PRKD1: variants seen among roughly 807,000 people sequenced by gnomAD.
The protein encoded by PRKD1 is protein kinase D1.
A neutral mutation model predicts 95.9 loss-of-function variants in PRKD1; 63 were observed. The ratio of observed to expected loss-of-function variants is 0.66; its 90% CI spans 0.54 to 0.81. The LOEUF (loss-of-function observed/expected upper bound fraction) is 0.81, where lower values mean the gene tolerates loss of function less well. PRKD1 is among the 30% of genes least tolerant of loss of function. The pLI, the probability that PRKD1 is intolerant of heterozygous loss-of-function variation, is 0.00. For synonymous variants in PRKD1, 425 were observed against 423.1 expected, an observed-to-expected ratio of 1.00 and a Z score of -0.05; for missense variants, 1,048 against 1,165.3, an observed-to-expected ratio of 0.90 and a Z score of 1.47.
chr14:29,838,290 A>G (rs1243078396), intron 1 of PRKD1, among the ~76,000 whole-genome samples: 1 of 152,208 alleles, frequency 6.6e-6, no homozygotes. Flanking sequence ...AAAAAAATAC[A>G]AAATAGAAAA....
At chr14:29,741,642 C>T (rs1886983417) in intron 1 of PRKD1, among the ~76,000 whole-genome samples, 1 of 152,040 alleles carries the variant, frequency 6.6e-6, no homozygotes, top group Admixed American at 6.6e-5. Flanking sequence ...ATCATGCACA[C>T]TCAGTGGTCT....
intron 1 of PRKD1, among the ~76,000 whole-genome samples, chr14:29,826,787 A>ATG: frequency 1.9e-5 from 1 of 52,870 alleles, no homozygotes; most frequent in Non-Finnish European, 3.7e-5. Flanking sequence ...ATATACATAT[A>ATG]TACACATATA....
chr14:29,657,987 A>G (rs1881984008), intron 4 of PRKD1: 1 of 152,176 alleles, frequency 6.6e-6, no homozygotes, highest in Non-Finnish European at 1.5e-5. Flanking sequence ...AGAACCAAAC[A>G]TGAGTTTCAG....
chr14:29,669,007 T>G (rs45618232), intron 2 of PRKD1, among the ~76,000 whole-genome samples: 3 of 151,296 alleles, frequency 2.0e-5, no homozygotes, highest in Non-Finnish European at 4.4e-5. Flanking sequence ...ACTTGTATTT[T>G]TTTGACTATT....
At chr14:29,737,092 G>A (rs889206714) in intron 1 of PRKD1, among the ~76,000 whole-genome samples, 2 of 151,802 alleles carry the variant, frequency 1.3e-5, no homozygotes, top group South Asian at 4.2e-4. Flanking sequence ...GGAGGCCGAG[G>A]CGGGTGGATC....
chr14:29,582,499 G>A (rs1421425297), intron 16 of PRKD1, among the ~76,000 whole-genome samples: 1 of 152,142 alleles, frequency 6.6e-6, no homozygotes, highest in South Asian at 2.1e-4. Context: ...AAGCACATCT[G>A]TTAGTTTCTT....
chr14:29,619,789 A>G (rs909841877), intron 13 of PRKD1, among the ~76,000 whole-genome samples: 29 of 152,258 alleles, frequency 1.9e-4, no homozygotes, highest in African/African-American at 6.5e-4. Flanking sequence ...CTGAATTACT[A>G]TTTTTACTGA....
chr14:29,599,691 A>T lies in PRKD1; in HGVS notation c.2032T>A (p.Leu678Met). 1 of 1,613,328 alleles carries T rather than the reference A, an allele frequency of 6.2e-7. No individual in the cohort carries two copies. Among genetic ancestry groups the T allele is most frequent in the Non-Finnish European group, 8.5e-7 (1 of 1,179,742 alleles). ...EMILSSEKGR[L>M]PEHITKFLIT... ...AAAAACTTCGTTATGTGCTCTGGCA[A>T]CCTGCCCTTTTCACTTGACAAGATC... The change falls in exon 14 of 18, where the codon TTG becomes ATG. Residue 678 changes from leucine (L) to methionine (M), a missense_variant. By Grantham distance (15) the Leu-to-Met change is conservative (BLOSUM62 2). Transcript: ENST00000331968.
rs80342691 is a variant in PRKD1, at chr14:29,787,450, C to T, written c.265-61776G>A. Among the ~76,000 whole-genome samples the T allele has an allele frequency of 5.8e-3, 889 of 152,038 alleles. 22 individuals are homozygous for T. The highest frequency in any genetic ancestry group is 0.037 in the East Asian group (192 of 5,172). On this transcript the variant is annotated intron_variant, in intron 1 of 17. Transcript: ENST00000331968. Reference sequence around the variant, plus strand: ...GAGATGCTGAAGTCCCTAGCTAGTACTGTATTGGAGTCTATCTGTTTAGCT... The same window carrying T: ...GAGATGCTGAAGTCCCTAGCTAGTATTGTATTGGAGTCTATCTGTTTAGCT...
At chr14:29,585,716 T>G (rs1188917250) in intron 16 of PRKD1, among the ~76,000 whole-genome samples, 1 of 152,204 alleles carries the variant, frequency 6.6e-6, no homozygotes, top group Non-Finnish European at 1.5e-5. Flanking sequence ...ATCAGTGACT[T>G]CTTTTAGAAA....
At chr14:29,653,990 C>G (rs1881680158) in intron 4 of PRKD1, among the ~76,000 whole-genome samples, 1 of 151,890 alleles carries the variant, frequency 6.6e-6, no homozygotes, top group Non-Finnish European at 1.5e-5. Context: ...ATTGACAACA[C>G]CTGTTGTTGG....
chr14:29,724,912 CT>C (rs898492218), intron 2 of PRKD1, among the ~76,000 whole-genome samples: 6 of 152,092 alleles, frequency 3.9e-5, no homozygotes, highest in African/African-American at 9.7e-5. Flanking sequence ...TAAATACATT[CT>C]TTTTTTTCTG....
intron 16 of PRKD1, among the ~76,000 whole-genome samples, chr14:29,580,701 C>T (rs908503230): frequency 3.9e-5 from 6 of 152,170 alleles, no homozygotes; most frequent in Admixed American, 2.0e-4. Context: ...ATCCAAAATG[C>T]GTTTTACTAA....
intron 1 of PRKD1, among the ~76,000 whole-genome samples, chr14:29,909,253 G>T (rs942142836): frequency 6.6e-6 from 1 of 151,860 alleles, no homozygotes; most frequent in Non-Finnish European, 1.5e-5. Flanking sequence ...CTCAGGACCT[G>T]CAGCCCGCCA....
chr14:29,682,585 A>G (rs1203935010), intron 2 of PRKD1, among the ~76,000 whole-genome samples: 1 of 152,188 alleles, frequency 6.6e-6, no homozygotes, highest in Non-Finnish European at 1.5e-5. Context: ...CATTCAAAAA[A>G]CATTTTTTGA....
chr14:29,618,670 T>C (rs1217508740), intron 13 of PRKD1, among the ~76,000 whole-genome samples: 2 of 152,166 alleles, frequency 1.3e-5, no homozygotes, highest in Non-Finnish European at 2.9e-5. Context: ...CCATAAGACT[T>C]AGACTTGCCT....
chr14:29,846,723 G>A (rs1892092450), intron 1 of PRKD1, among the ~76,000 whole-genome samples: 1 of 152,112 alleles, frequency 6.6e-6, no homozygotes, highest in Non-Finnish European at 1.5e-5. Flanking sequence ...GACAAAGACA[G>A]AGGCAGAGAC....
At chr14:29,827,346 A>G (rs1158193890) in intron 1 of PRKD1, among the ~76,000 whole-genome samples, 1 of 151,930 alleles carries the variant, frequency 6.6e-6, no homozygotes, top group Admixed American at 6.6e-5. Flanking sequence ...ATTACTATCT[A>G]CTCTTTTGCA....
chr14:29,618,406 C>G (rs550077150), intron 13 of PRKD1, among the ~76,000 whole-genome samples: 1 of 152,174 alleles, frequency 6.6e-6, no homozygotes, highest in Admixed American at 6.5e-5. Flanking sequence ...CAGATGTGCA[C>G]CACCACACCC....
Sources: allele counts gnomAD v4.1 joint callset (sites outside exome capture counted in the v4.1 genomes callset), GRCh38; gene constraint gnomAD v4.1.1; transcripts MANE v1.5; gene names NCBI Gene and HGNC (gene_info 2026-07-23, HGNC 2026-07-21).